MYO1E: variants seen among roughly 807,000 people sequenced by gnomAD.
MYO1E encodes the protein myosin IE.
A neutral mutation model predicts 151.1 loss-of-function variants in MYO1E; 68 were observed. The observed-to-expected ratio is 0.45, with a 90% CI of 0.37 to 0.55. The LOEUF is 0.55. MYO1E is among the 20% of genes least tolerant of loss of function. MYO1E has a pLI of 0.00. For synonymous variants in MYO1E, 601 were observed against 501.7 expected (o/e 1.20, Z -2.64); for missense variants, 1,363 against 1,389.3 (o/e 0.98, Z 0.30).
chr15:59,251,127 C>A (rs1460713068), intron 4 of MYO1E, among the ~76,000 whole-genome samples: 2 of 152,234 alleles, frequency 1.3e-5, no homozygotes, highest in Non-Finnish European at 2.9e-5. Context: ...TCCTGCCTCT[C>A]TAGTAGTCGG....
intron 1 of MYO1E, among the ~76,000 whole-genome samples, chr15:59,311,508 G>A (rs1297751921): frequency 6.6e-6 from 1 of 152,148 alleles, no homozygotes; most frequent in South Asian, 2.1e-4. Context: ...CCCTGCTCTA[G>A]AAGACCAGAA....
chr15:59,320,074 C>T (rs1252222735), intron 1 of MYO1E, among the ~76,000 whole-genome samples: 1 of 151,938 alleles, frequency 6.6e-6, no homozygotes, highest in African/African-American at 2.4e-5. Flanking sequence ...ATCCCATTGA[C>T]AATAGCAAAA....
chr15:59,213,221 A>T (rs1288033971), intron 12 of MYO1E, among the ~76,000 whole-genome samples: 1 of 151,366 alleles, frequency 6.6e-6, no homozygotes, highest in Non-Finnish European at 1.5e-5. Context: ...CCAAGGCTGG[A>T]GTGCAGTGGC....
At chr15:59,344,704 A>G (rs1318148401) in intron 1 of MYO1E, among the ~76,000 whole-genome samples, 1 of 152,208 alleles carries the variant, frequency 6.6e-6, no homozygotes, top group African/African-American at 2.4e-5. Context: ...AGCTGGCACC[A>G]AAACCACCAA....
intron 4 of MYO1E, among the ~76,000 whole-genome samples, chr15:59,246,944 A>G (rs2080133874): frequency 6.6e-6 from 1 of 152,222 alleles, no homozygotes; most frequent in South Asian, 2.1e-4. Context: ...CTGGGTATGC[A>G]GAGAGCATCA....
intron 1 of MYO1E, among the ~76,000 whole-genome samples, chr15:59,336,708 A>G (rs1031693375): frequency 2.4e-4 from 36 of 152,208 alleles, no homozygotes; most frequent in East Asian, 5.8e-4. Flanking sequence ...CCATCAACCC[A>G]TCATCTACAT....
chr15:59,241,059 A>G (rs1369429955), intron 4 of MYO1E, among the ~76,000 whole-genome samples: 1 of 152,208 alleles, frequency 6.6e-6, no homozygotes, highest in Admixed American at 6.5e-5. Flanking sequence ...TTACTAAACG[A>G]AGTCACAACT....
intron 1 of MYO1E, among the ~76,000 whole-genome samples, chr15:59,352,474 C>A (rs1364170269): frequency 6.6e-6 from 1 of 152,088 alleles, no homozygotes; most frequent in Admixed American, 6.5e-5. Context: ...GCTATTAGTC[C>A]GTGGACCCAC....
At chr15:59,152,232 C>G (rs897586990) in intron 26 of MYO1E, among the ~76,000 whole-genome samples, 10 of 152,158 alleles carry the variant, frequency 6.6e-5, no homozygotes, top group African/African-American at 2.4e-4. Context: ...TCTCAAAAAA[C>G]AAAGCAACCA....
chr15:59,141,550 G>A (rs1343358215), intron 26 of MYO1E, among the ~76,000 whole-genome samples: 2 of 152,086 alleles, frequency 1.3e-5, no homozygotes, highest in African/African-American at 2.4e-5. Flanking sequence ...TATAATCCCA[G>A]CACCTTGGGA....
chr15:59,273,116 G>GA (rs2080297561), intron 1 of MYO1E, among the ~76,000 whole-genome samples: 2 of 152,196 alleles, frequency 1.3e-5, no homozygotes, highest in African/African-American at 4.8e-5. Flanking sequence ...CAGGACAGAC[G>GA]AAACGAGATC....
chr15:59,332,687 T>G (rs1326214115), intron 1 of MYO1E, among the ~76,000 whole-genome samples: 2 of 151,976 alleles, frequency 1.3e-5, no homozygotes, highest in African/African-American at 4.8e-5. Flanking sequence ...CAGAAGAGAG[T>G]TCAGGAATTG....
intron 6 of MYO1E, among the ~76,000 whole-genome samples, chr15:59,230,726 T>C (rs899983411): frequency 6.6e-6 from 1 of 152,236 alleles, no homozygotes; most frequent in Non-Finnish European, 1.5e-5. Flanking sequence ...ACAGTTATTA[T>C]ATGAGCACAT....
chr15:59,278,258 C>T (rs1305694421), intron 1 of MYO1E, among the ~76,000 whole-genome samples: 2 of 152,170 alleles, frequency 1.3e-5, no homozygotes, highest in African/African-American at 4.8e-5. Flanking sequence ...GACTAGAATG[C>T]CCCCAGTGTT....
At chr15:59,209,112 C>G in intron 13 of MYO1E, 3 of 526,274 alleles carry the variant, frequency 5.7e-6, no homozygotes, top group Non-Finnish European at 1.0e-5. Flanking sequence ...AGATCATTAT[C>G]TGCTCACTCA....
intron 26 of MYO1E, among the ~76,000 whole-genome samples, chr15:59,139,997 A>T (rs1310329071): frequency 6.6e-6 from 1 of 152,088 alleles, no homozygotes; most frequent in Non-Finnish European, 1.5e-5. Context: ...AAATATTCTT[A>T]TACAAGAGTT....
At chr15:59,207,542 C>T (rs1422665864) in intron 14 of MYO1E, 3 of 1,613,898 alleles carry the variant, frequency 1.9e-6, no homozygotes, top group South Asian at 1.1e-5. Flanking sequence ...AAGTTGAGTG[C>T]ATTTCCCAAA....
Position 59,256,356 on chromosome 15 carries a change from T to C in MYO1E, c.260A>G (p.His87Arg). 6.2e-7 allele frequency: 1 copy of C among 1,612,130 alleles called. No individual in the cohort carries two copies. The highest frequency in any genetic ancestry group is 8.5e-7 in the Non-Finnish European group (1 of 1,178,494). ...CATATTATCTGCAAGGGCATAGATA[T>C]GTGGTGGGTTTTCATACTGTGCCTA... ...QGAAQYENPPHIYALADNMYR... is the reference protein window; with the variant it reads ...QGAAQYENPPRIYALADNMYR... The change falls in exon 4 of 28, where the codon CAT becomes CGT. Residue 87 changes from histidine to arginine, a missense_variant. Transcript: ENST00000288235.
chr15:59,174,401 G>A (rs902961134), intron 19 of MYO1E, among the ~76,000 whole-genome samples, 161 bp from the exon 20 acceptor site: 1 of 152,174 alleles, frequency 6.6e-6, no homozygotes, highest in African/African-American at 2.4e-5. Flanking sequence ...ACTGTGGCAT[G>A]TTGTTTATTC....
Sources: allele counts gnomAD v4.1 joint callset (sites outside exome capture counted in the v4.1 genomes callset), GRCh38; gene constraint gnomAD v4.1.1; transcripts MANE v1.5; gene names NCBI Gene and HGNC (gene_info 2026-07-23, HGNC 2026-07-21).